The following PDGFC variants were observed in gnomAD, a reference collection of about 807,000 sequenced individuals.
PDGFC encodes platelet-derived growth factor C.
PDGFC carries 12 observed loss-of-function variants against 35.5 expected under a neutral mutation model. That is an observed-to-expected ratio of 0.34 (90% confidence interval 0.22 to 0.55). PDGFC has a LOEUF of 0.55. PDGFC is among the 20% of genes least tolerant of loss of function. The pLI, the probability that PDGFC is intolerant of heterozygous loss-of-function variation, is 0.91. For synonymous variants in PDGFC, 159 were observed against 148.8 expected (o/e 1.07, Z -0.50); for missense variants, 322 against 412.4 (o/e 0.78, Z 1.90).
At chr4:156,776,455 T>C (rs980661086) in intron 3 of PDGFC, among the ~76,000 whole-genome samples, 57 of 152,344 alleles carry the variant, frequency 3.7e-4, no homozygotes, top group African/African-American at 1.3e-3. Flanking sequence ...TGTTCTGCAA[T>C]GTAGACAACT....
intron 2 of PDGFC, among the ~76,000 whole-genome samples, chr4:156,815,765 C>G (rs992871187): frequency 6.6e-6 from 1 of 152,138 alleles, no homozygotes; most frequent in Non-Finnish European, 1.5e-5. Flanking sequence ...AATACACTCT[C>G]AGGTATTAAT....
intron 1 of PDGFC, among the ~76,000 whole-genome samples, chr4:156,904,005 T>C (rs1176002347): frequency 6.6e-6 from 1 of 152,100 alleles, no homozygotes. Context: ...AAAACCAGGT[T>C]CCCTGTAAAT....
intron 2 of PDGFC, among the ~76,000 whole-genome samples, chr4:156,838,684 T>C (rs1348937110): frequency 6.6e-6 from 1 of 152,222 alleles, no homozygotes; most frequent in Non-Finnish European, 1.5e-5. Context: ...ATCTTCAGTA[T>C]CATAATCTAA....
intron 2 of PDGFC, among the ~76,000 whole-genome samples, chr4:156,833,560 T>A (rs1213269247): frequency 6.6e-6 from 1 of 152,220 alleles, no homozygotes; most frequent in Non-Finnish European, 1.5e-5. Flanking sequence ...TAAACTTACA[T>A]TACTTAATAA....
At chr4:156,908,903 A>G (rs1328992736) in intron 1 of PDGFC, among the ~76,000 whole-genome samples, 2 of 152,158 alleles carry the variant, frequency 1.3e-5, no homozygotes, top group Non-Finnish European at 2.9e-5. Context: ...ATTCAGCCAT[A>G]AAAAGGAAGA....
intron 1 of PDGFC, among the ~76,000 whole-genome samples, chr4:156,887,713 T>C (rs952486276): frequency 2.6e-5 from 4 of 152,294 alleles, no homozygotes; most frequent in Non-Finnish European, 4.4e-5. Context: ...TAATCCACTT[T>C]TAAAAAATAT....
chr4:156,945,843 C>T (rs770011881), intron 1 of PDGFC, among the ~76,000 whole-genome samples: 4 of 152,030 alleles, frequency 2.6e-5, no homozygotes, highest in Non-Finnish European at 5.9e-5. Flanking sequence ...CACTCATGGG[C>T]CCAATCTGAC....
intron 1 of PDGFC, among the ~76,000 whole-genome samples, chr4:156,968,250 T>A (rs772580752): frequency 2.6e-5 from 4 of 151,936 alleles, no homozygotes; most frequent in African/African-American, 4.8e-5. Flanking sequence ...TGAGGAGGGG[T>A]CCTTGGAGAC....
At chr4:156,922,123 T>TGTA in intron 1 of PDGFC, among the ~76,000 whole-genome samples, 1 of 151,706 alleles carries the variant, frequency 6.6e-6, no homozygotes, top group East Asian at 1.9e-4. Flanking sequence ...GACAGGGACC[T>TGTA]GTAGTGTTGT....
At chr4:156,944,593 C>G (rs1560885040) in intron 1 of PDGFC, among the ~76,000 whole-genome samples, 1 of 152,110 alleles carries the variant, frequency 6.6e-6, no homozygotes, top group Non-Finnish European at 1.5e-5. Flanking sequence ...ATTTTCAAGA[C>G]AAAAACTGCA....
chr4:156,937,479 G>A (rs1731710885), intron 1 of PDGFC, among the ~76,000 whole-genome samples: 1 of 152,050 alleles, frequency 6.6e-6, no homozygotes. Context: ...GAAGGCAAAT[G>A]GCTTGAGCCC....
At chr4:156,802,993 G>C (rs1731659286) in intron 3 of PDGFC, among the ~76,000 whole-genome samples, 1 of 152,114 alleles carries the variant, frequency 6.6e-6, no homozygotes, top group Non-Finnish European at 1.5e-5. Flanking sequence ...TGAGACACAG[G>C]AAGACAAAAG....
chr4:156,919,558 T>C (rs377051608), intron 1 of PDGFC, among the ~76,000 whole-genome samples: 1 of 152,114 alleles, frequency 6.6e-6, no homozygotes, highest in African/African-American at 2.4e-5. Flanking sequence ...CTTCAAGCAA[T>C]TGCCTAACTG....
At chr4:156,807,839 T>A (rs1008637384) in intron 3 of PDGFC, among the ~76,000 whole-genome samples, 1 of 152,084 alleles carries the variant, frequency 6.6e-6, no homozygotes, top group Non-Finnish European at 1.5e-5. Flanking sequence ...CTTAAAATTT[T>A]TTCTGTATAG....
chr4:156,869,462 A>G (rs1462880884), intron 1 of PDGFC, among the ~76,000 whole-genome samples: 3 of 152,098 alleles, frequency 2.0e-5, no homozygotes, highest in African/African-American at 7.2e-5. Context: ...CTAGCATATG[A>G]ATAATGCTTA....
chr4:156,894,844 A>G lies in PDGFC; in HGVS notation c.119-44428T>C, dbSNP rs771193213. Among the ~76,000 whole-genome samples the G allele has an allele frequency of 1.2e-4, 19 of 152,280 alleles. No individual in the cohort carries two copies. In the Middle Eastern group the frequency reaches 0.014, roughly 109 times the overall value. Reference sequence around the variant, plus strand: ...ATTTGATTCAGATTTAGGTTCCATCAATTTTTTGTAGATTTGGATCCATTC... The same window carrying G: ...ATTTGATTCAGATTTAGGTTCCATCGATTTTTTGTAGATTTGGATCCATTC... On this transcript the variant is annotated intron_variant, in intron 1 of 5. Coordinates refer to ENST00000502773, the MANE Select transcript of PDGFC (RefSeq NM_016205.3).
At chr4:156,842,112 T>C (rs1449006760) in intron 2 of PDGFC, 1 of 152,138 alleles carries the variant, frequency 6.6e-6, no homozygotes, top group Non-Finnish European at 1.5e-5. Flanking sequence ...CATTTAACAC[T>C]CTAAGTTATT....
intron 1 of PDGFC, among the ~76,000 whole-genome samples, chr4:156,852,061 T>A (rs1001497229): frequency 6.6e-6 from 1 of 152,022 alleles, no homozygotes. Flanking sequence ...TATTTTATTT[T>A]AAAAAAAGTA....
At chr4:156,828,781 T>C (rs1192889661) in intron 2 of PDGFC, among the ~76,000 whole-genome samples, 2 of 152,164 alleles carry the variant, frequency 1.3e-5, no homozygotes, top group Non-Finnish European at 2.9e-5. Context: ...AGCTTGTATA[T>C]ACTTTAAGAA....
Sources: allele counts gnomAD v4.1 joint callset (sites outside exome capture counted in the v4.1 genomes callset), GRCh38; gene constraint gnomAD v4.1.1; transcripts MANE v1.5; gene names NCBI Gene and HGNC (gene_info 2026-07-23, HGNC 2026-07-21).